Variants in ADK observed in about 807,000 individuals in gnomAD.
The protein encoded by ADK is N6,N6-dimethyladenosine kinase.
Under a neutral mutation model 44.7 loss-of-function variants are expected in ADK, and 24 were observed. The observed-to-expected ratio is 0.54, with a 90% CI of 0.39 to 0.76. ADK has a LOEUF of 0.76. ADK is among the 30% of genes least tolerant of loss of function. ADK has a pLI of 0.00. For synonymous variants in ADK, 128 were observed against 142.6 expected, an observed-to-expected ratio of 0.90 and a Z score of 0.73; for missense variants, 321 against 425.1, an observed-to-expected ratio of 0.76 and a Z score of 2.15.
At chr10:74,355,716 G>A (rs898288417) in intron 4 of ADK, among the ~76,000 whole-genome samples, 2 of 152,026 alleles carry the variant, frequency 1.3e-5, no homozygotes, top group African/African-American at 4.8e-5. Context: ...CTATTATCTT[G>A]TTTACAGTTG....
chr10:74,435,966 A>G (rs1845166472), intron 6 of ADK, among the ~76,000 whole-genome samples: 1 of 152,240 alleles, frequency 6.6e-6, no homozygotes, highest in Non-Finnish European at 1.5e-5. Flanking sequence ...ATCTATACAC[A>G]AAAAACAAAG....
chr10:74,640,745 A>G (rs762478285), intron 9 of ADK, among the ~76,000 whole-genome samples: 37 of 152,248 alleles, frequency 2.4e-4, no homozygotes, highest in Non-Finnish European at 3.8e-4. Context: ...GCTGTATTCC[A>G]ATAAAACTCT....
intron 3 of ADK, among the ~76,000 whole-genome samples, chr10:74,312,961 A>G (rs1204548032): frequency 2.1e-5 from 3 of 144,030 alleles, no homozygotes; most frequent in Non-Finnish European, 4.6e-5. Context: ...TTAGCTTACC[A>G]TTATAAGTCT....
intron 7 of ADK, among the ~76,000 whole-genome samples, chr10:74,566,353 T>C (rs1279243751): frequency 6.6e-6 from 1 of 151,804 alleles, no homozygotes; most frequent in South Asian, 2.1e-4. Flanking sequence ...ACCACAGACA[T>C]GCACCACCAC....
chr10:74,542,282 AG>A (rs1849665603), intron 7 of ADK, among the ~76,000 whole-genome samples: 1 of 152,242 alleles, frequency 6.6e-6, no homozygotes, highest in African/African-American at 2.4e-5. Flanking sequence ...CACTCAGCTA[AG>A]CCATGCCTGG....
chr10:74,241,234 G>T (rs532302182), intron 3 of ADK, among the ~76,000 whole-genome samples: 12 of 152,038 alleles, frequency 7.9e-5, no homozygotes, highest in Admixed American at 7.9e-4. Flanking sequence ...AGCTGTTTTA[G>T]GTTCATTCAC....
Position 74,611,157 on chromosome 10 carries a change from G to A in ADK, c.877+10664G>A, listed in dbSNP as rs78072805. Among the ~76,000 whole-genome samples, 63 of 151,850 alleles carry A rather than the reference G, an allele frequency of 4.1e-4. 2 individuals are homozygous for A. The East Asian group carries it at 0.011, about 26-fold the overall frequency. ...TCCCTTCCCAGCCTCCTAAGTAGCC[G>A]GGACTACAGGTGCCTACCACCCTGC... On this transcript the variant is annotated intron_variant, in intron 9 of 10. Transcript: ENST00000539909.
rs1852986510 is a variant in ADK at position 74,621,350 on chromosome 10, T to C, written c.877+20857T>C. Among the ~76,000 whole-genome samples the C allele has an allele frequency of 2.0e-5, 3 of 152,210 alleles. No homozygotes were observed. The South Asian group carries it at 6.2e-4, about 32-fold the overall frequency. On this transcript the variant is annotated intron_variant, in intron 9 of 10. Coordinates refer to ENST00000539909, the MANE Select transcript of ADK (RefSeq NM_006721.4). ...CTGTGCTTTCTCCAGTGACTATTCT[T>C]GGTGCTTTTGTCAAAAATCAGTTGA...
chr10:74,547,907 C>T (rs1325563977), intron 7 of ADK, among the ~76,000 whole-genome samples: 1 of 152,228 alleles, frequency 6.6e-6, no homozygotes, highest in African/African-American at 2.4e-5. Flanking sequence ...ATCTCCCTGC[C>T]TCAGCCTCCC....
At chr10:74,478,849 A>G (rs1349932585) in intron 6 of ADK, among the ~76,000 whole-genome samples, 1 of 152,162 alleles carries the variant, frequency 6.6e-6, no homozygotes, top group Non-Finnish European at 1.5e-5. Flanking sequence ...GATGGGTTTG[A>G]TTGCTTACAA....
intron 8 of ADK, among the ~76,000 whole-genome samples, chr10:74,598,475 G>T (rs1042676924): frequency 1.3e-4 from 16 of 125,398 alleles, no homozygotes; most frequent in Admixed American, 2.7e-4. Flanking sequence ...TTTTGAGATG[G>T]CGTCTTGCTC....
chr10:74,690,487 C>A (rs1033715898), intron 10 of ADK, among the ~76,000 whole-genome samples: 1 of 152,172 alleles, frequency 6.6e-6, no homozygotes. Flanking sequence ...TAGAATGAGA[C>A]CCCGTCTCAA....
intron 6 of ADK, among the ~76,000 whole-genome samples, chr10:74,499,903 AG>A (rs1847832881): frequency 6.6e-6 from 1 of 152,122 alleles, no homozygotes; most frequent in African/African-American, 2.4e-5. Context: ...GAACAATGGC[AG>A]GGATGTGTAT....
At chr10:74,684,761 AGC>A (rs2134243769) in intron 10 of ADK, among the ~76,000 whole-genome samples, 1 of 152,326 alleles carries the variant, frequency 6.6e-6, no homozygotes, top group South Asian at 2.1e-4. Flanking sequence ...GACAAAACAA[AGC>A]CCTGTTTCAA....
intron 7 of ADK, among the ~76,000 whole-genome samples, chr10:74,571,409 A>T (rs1159328953): frequency 6.6e-6 from 1 of 152,122 alleles, no homozygotes; most frequent in Non-Finnish European, 1.5e-5. Context: ...CTGTGAATCC[A>T]TCTGGTCCTG....
At chr10:74,533,148 A>G (rs1279251155) in intron 7 of ADK, among the ~76,000 whole-genome samples, 1 of 152,170 alleles carries the variant, frequency 6.6e-6, no homozygotes, top group Non-Finnish European at 1.5e-5. Context: ...TGTTGAAAAA[A>G]TTTAAGAAGA....
intron 1 of ADK, among the ~76,000 whole-genome samples, chr10:74,166,640 T>C (rs1842040479): frequency 6.9e-6 from 1 of 145,740 alleles, no homozygotes; most frequent in Non-Finnish European, 1.5e-5. Flanking sequence ...TAAGCCAAGA[T>C]TGCGCCACTG....
intron 4 of ADK, among the ~76,000 whole-genome samples, chr10:74,340,093 G>C (rs1457579942): frequency 6.6e-6 from 1 of 152,078 alleles, no homozygotes; most frequent in Non-Finnish European, 1.5e-5. Flanking sequence ...ACATAGGAGG[G>C]AATTTAAACT....
chr10:74,277,152 G>T (rs1846720073), intron 3 of ADK, among the ~76,000 whole-genome samples: 1 of 151,984 alleles, frequency 6.6e-6, no homozygotes, highest in South Asian at 2.1e-4. Context: ...TCTTGACCTC[G>T]GGTGATCCGC....
Sources: allele counts gnomAD v4.1 joint callset (sites outside exome capture counted in the v4.1 genomes callset), GRCh38; gene constraint gnomAD v4.1.1; transcripts MANE v1.5; gene names NCBI Gene and HGNC (gene_info 2026-07-23, HGNC 2026-07-21).